BPI: variants seen among roughly 807,000 people sequenced by gnomAD.
BPI encodes the protein bactericidal permeability increasing protein.
In BPI, 48 loss-of-function variants were observed where a neutral mutation model predicts 57.6. The observed-to-expected ratio is 0.83, with a 90% CI of 0.66 to 1.06. The LOEUF (loss-of-function observed/expected upper bound fraction) is 1.06. BPI is among the 50% of genes least tolerant of loss of function. BPI has a pLI of 0.00. For synonymous variants in BPI, 237 were observed against 238.2 expected (o/e 0.99, Z 0.05); for missense variants, 651 against 609.7 (o/e 1.07, Z -0.71).
At chr20:38,322,377 T>C (rs1389138374) in intron 7 of BPI, among the ~76,000 whole-genome samples, 1 of 152,210 alleles carries the variant, frequency 6.6e-6, no homozygotes, top group Admixed American at 6.5e-5. Flanking sequence ...TTATCCTCAG[T>C]GAATAAGAAA....
At chr20:38,321,409 C>G (rs922908351) in intron 7 of BPI, among the ~76,000 whole-genome samples, 1 of 152,104 alleles carries the variant, frequency 6.6e-6, no homozygotes, top group South Asian at 2.1e-4. Context: ...TTCCTCTCAC[C>G]TCAGGGCATT....
chr20:38,331,859 A>AG (rs1390733033), intron 12 of BPI, among the ~76,000 whole-genome samples: 10 of 135,776 alleles, frequency 7.4e-5, no homozygotes, highest in Admixed American at 2.8e-4. Context: ...AAAAAAAAAA[A>AG]AGAGAGAGAA....
At chr20:38,304,471 C>T in intron 1 of BPI, 118 bp downstream of exon 1, 1 of 1,337,298 alleles carries the variant, frequency 7.5e-7, no homozygotes, top group Non-Finnish European at 1.0e-6. Context: ...AGGGCAGGTC[C>T]CCTTGCCCCC....
In BPI at chr20:38,323,951, A is replaced by G. The variant is rs762427233; in HGVS notation, c.838A>G (p.Met280Val). ...GGAGTTTCCCGCTGCCCATGACCGCATGGTATACCTGGGCCTCTCAGACTA... is the reference window on the plus strand; with the variant it reads ...GGAGTTTCCCGCTGCCCATGACCGCGTGGTATACCTGGGCCTCTCAGACTA... ...VMEFPAAHDRMVYLGLSDYFF... is the reference protein window; with the variant it reads ...VMEFPAAHDRVVYLGLSDYFF... The change falls in exon 8 of 15, where the codon ATG (methionine) becomes GTG (valine). Residue 280 changes from methionine to valine, a missense_variant. By Grantham distance (21) the Met-to-Val change is conservative (BLOSUM62 1). Transcript: ENST00000642449. 1.9e-6 allele frequency: 3 copies of G among 1,614,162 alleles called. No individual in the cohort carries two copies. The highest frequency in any genetic ancestry group is 3.3e-5 in the Admixed American group (2 of 60,016).
chr20:38,336,422 G>A (rs2076767861), intron 14 of BPI, among the ~76,000 whole-genome samples: 1 of 151,992 alleles, frequency 6.6e-6, no homozygotes, highest in Admixed American at 6.6e-5. Context: ...GCATTCGCAG[G>A]CTCCCTCAAT....
chr20:38,326,452 G>A lies in BPI; in HGVS notation c.1161+20G>A. The A allele has an allele frequency of 6.2e-7, 1 of 1,604,676 alleles. No individual in the cohort carries two copies. The highest frequency in any genetic ancestry group is 1.3e-5 in the African/African-American group (1 of 74,878). On this transcript the variant is annotated intron_variant, in intron 10 of 14. Transcript: ENST00000642449. ...GGCATGGTAAGCAGTTCCTGGGTTG[G>A]ACAGATGAGGAGCCCCAGACAGTCC...
Position 38,320,258 on chromosome 20 carries a change from T to C in BPI, c.740T>C (p.Leu247Pro), listed in dbSNP as rs2076674490. The change falls in exon 7 of 15, where the codon CTG (leucine) becomes CCG (proline). Residue 247 changes from leucine to proline, a missense_variant. Physicochemically the swap from Leu to Pro is moderately conservative, Grantham distance 98 (BLOSUM62 -3). Coordinates refer to ENST00000642449, the MANE Select transcript of BPI (RefSeq NM_001725.3). Reference sequence around the variant, plus strand: ...CCTCCAGCAACCACGGCTGAGACCCTGGATGTACAGATGAAGGTGAGGCTG... The same window carrying C: ...CCTCCAGCAACCACGGCTGAGACCCCGGATGTACAGATGAAGGTGAGGCTG... ...VAPPATTAETLDVQMKGEFYS... is the reference protein window; with the variant it reads ...VAPPATTAETPDVQMKGEFYS... 1.9e-6 allele frequency: 3 copies of C among 1,613,850 alleles called. No homozygotes were observed. The highest frequency in any genetic ancestry group is 1.3e-5 in the African/African-American group (1 of 74,900).
chr20:38,327,444 C>T, intron 10 of BPI, 144 bp from the exon 11 acceptor site: 2 of 774,272 alleles, frequency 2.6e-6, no homozygotes, highest in Admixed American at 2.4e-5. Context: ...AGGGAAGTCT[C>T]CCCACTCCTC....
intron 5 of BPI, among the ~76,000 whole-genome samples, chr20:38,315,698 A>T (rs2076648458): frequency 6.6e-6 from 1 of 152,046 alleles, no homozygotes; most frequent in Admixed American, 6.5e-5. Context: ...GTAGAAACAC[A>T]CTTCAGGGAA....
intron 11 of BPI, among the ~76,000 whole-genome samples, chr20:38,329,744 G>T (rs1026447365): frequency 6.6e-6 from 1 of 151,660 alleles, no homozygotes; most frequent in Non-Finnish European, 1.5e-5. Flanking sequence ...ACAGAGTTTT[G>T]CTCTGTCACC....
chr20:38,311,907 G>C lies in BPI; in HGVS notation c.570G>C (p.Glu190Asp). ...WLIQLFHKKI[E>D]SALRNKMNSQ... is the part of the protein sequence containing the mutation. The stretch of plus-strand genomic sequence containing the variant: ...TCCAACTCTTCCACAAAAAAATTGA[G>C]TCTGCGCTTCGAAACAAGATGAACA... Residue 190 changes from glutamate to aspartate, a missense_variant, in exon 5 of 15, where the codon GAG (glutamate) becomes GAC (aspartate). By Grantham distance (45) the Glu-to-Asp change is conservative. Coordinates refer to ENST00000642449, the MANE Select transcript of BPI (RefSeq NM_001725.3). 2 of 1,614,016 alleles carry C rather than the reference G, an allele frequency of 1.2e-6. No individual in the cohort carries two copies. Among genetic ancestry groups the C allele is most frequent in the East Asian group, 2.2e-5 (1 of 44,878 alleles).
chr20:38,325,830 G>T (rs1302585457), intron 9 of BPI, among the ~76,000 whole-genome samples: 1 of 152,100 alleles, frequency 6.6e-6, no homozygotes, highest in African/African-American at 2.4e-5. Flanking sequence ...TTACCTGGGG[G>T]AAGATCAGAG....
In BPI at chr20:38,323,959, C is replaced by T. The variant is rs1274078667; in HGVS notation, c.846C>T (p.Tyr282=). ...CCGCTGCCCATGACCGCATGGTATA[C>T]CTGGGCCTCTCAGACTACTTCTTCA... ...EFPAAHDRMV[Y]LGLSDYFFNT... Residue 282 remains tyrosine (Y), a synonymous_variant, in exon 8 of 15, where the codon TAC becomes TAT. Transcript: ENST00000642449. The T allele has an allele frequency of 6.2e-7, 1 of 1,614,128 alleles. No individual in the cohort carries two copies. Among genetic ancestry groups the T allele is most frequent in the East Asian group, 2.2e-5 (1 of 44,838 alleles).
intron 8 of BPI, 116 bp downstream of exon 8, chr20:38,324,162 C>T: frequency 8.1e-7 from 1 of 1,227,552 alleles, no homozygotes; most frequent in Non-Finnish European, 1.1e-6. Flanking sequence ...AGTGTTGACT[C>T]TAGAGTCAGC....
chr20:38,311,376 A>C (rs1362429899), intron 4 of BPI, among the ~76,000 whole-genome samples: 1 of 152,264 alleles, frequency 6.6e-6, no homozygotes, highest in African/African-American at 2.4e-5. Context: ...GACAAGAATT[A>C]AGAAAAAGAG....
rs112727024 is a variant in BPI at position 38,333,196 on chromosome 20, C to CT, written c.1273-1231dup. Among the ~76,000 whole-genome samples, 748 of 152,206 alleles carry CT rather than the reference C, an allele frequency of 4.9e-3. 8 individuals carry two copies. The highest frequency in any genetic ancestry group is 0.017 in the African/African-American group (719 of 41,542). ...TTTCATGGACTTACTGGTTCCAAGGCTTTCTTGGTGGCTTGACTAAGTCCA... is the reference window on the plus strand; with the variant it reads ...TTTCATGGACTTACTGGTTCCAAGGCTTTTCTTGGTGGCTTGACTAAGTCCA... On this transcript the variant is annotated intron_variant, in intron 12 of 14. Coordinates refer to ENST00000642449, the MANE Select transcript of BPI (RefSeq NM_001725.3).
chr20:38,334,048 C>A (rs143326329), intron 12 of BPI, among the ~76,000 whole-genome samples: 2 of 152,050 alleles, frequency 1.3e-5, no homozygotes, highest in South Asian at 4.2e-4. Flanking sequence ...TGCCAAATAG[C>A]CGTCAAAGAG....
chr20:38,318,120 A>AC (rs1044553062), intron 5 of BPI: 40 of 856,472 alleles, frequency 4.7e-5, no homozygotes, highest in Non-Finnish European at 5.3e-5. Context: ...AACAACAGCA[A>AC]CAAAAAAAAA....
intron 5 of BPI, among the ~76,000 whole-genome samples, chr20:38,314,050 G>A (rs1401208590): frequency 6.6e-6 from 1 of 150,664 alleles, no homozygotes; most frequent in African/African-American, 2.4e-5. Context: ...GGTGATGGTG[G>A]TGATGATTAT....
Sources: allele counts gnomAD v4.1 joint callset (sites outside exome capture counted in the v4.1 genomes callset), GRCh38; gene constraint gnomAD v4.1.1; transcripts MANE v1.5; gene names NCBI Gene and HGNC (gene_info 2026-07-23, HGNC 2026-07-21).